The following GTSF1 variants were observed in gnomAD, a reference collection of about 807,000 sequenced individuals.
The protein encoded by GTSF1 is gametocyte-specific factor 1.
Under a neutral mutation model 28.9 loss-of-function variants are expected in GTSF1, and 11 were observed. The ratio of observed to expected loss-of-function variants is 0.38; its 90% CI spans 0.24 to 0.63. The LOEUF is 0.63. Ranked by LOEUF, GTSF1 falls within the 30% of genes least tolerant of loss-of-function variation. GTSF1 has a pLI of 0.56. For synonymous variants in GTSF1, 69 were observed against 65.6 expected, an observed-to-expected ratio of 1.05 and a Z score of -0.25; for missense variants, 146 against 201.0, an observed-to-expected ratio of 0.73 and a Z score of 1.66.
chr12:54,467,223 G>C (rs1342254415), intron 2 of GTSF1, among the ~76,000 whole-genome samples: 4 of 151,828 alleles, frequency 2.6e-5, no homozygotes, highest in Non-Finnish European at 4.4e-5. Context: ...ACAGTCTTTT[G>C]CTTTTTGTGA....
At chr12:54,462,250 A>T in intron 5 of GTSF1, 78 bp from the exon 6 acceptor site, 2 of 1,014,884 alleles carry the variant, frequency 2.0e-6, no homozygotes, top group South Asian at 2.6e-5. Flanking sequence ...AATTTATAAG[A>T]TGGGAAATAA....
intron 8 of GTSF1, 87 bp downstream of exon 8, chr12:54,459,002 G>T: frequency 1.1e-6 from 1 of 875,694 alleles, no homozygotes; most frequent in Non-Finnish European, 1.8e-6. Flanking sequence ...ACCATAATCT[G>T]AAAGAAAATT....
intron 8 of GTSF1, among the ~76,000 whole-genome samples, chr12:54,456,690 A>T (rs1370173317): frequency 1.3e-5 from 2 of 152,206 alleles, no homozygotes; most frequent in African/African-American, 4.8e-5. Context: ...ATTCAAAAAC[A>T]TTTCACTCAC....
At chr12:54,461,296 T>A (rs1475931725) in intron 6 of GTSF1, among the ~76,000 whole-genome samples, 2 of 151,914 alleles carry the variant, frequency 1.3e-5, no homozygotes, top group South Asian at 2.1e-4. Context: ...AGACAGGATC[T>A]TACTGTGTTA....
rs1036742731 is a variant in GTSF1, at chr12:54,462,114, G to A, written c.387C>T (p.Asn129=). 6.2e-7 allele frequency: 1 copy of A among 1,611,324 alleles called. No individual in the cohort carries two copies. The highest frequency in any genetic ancestry group is 8.5e-7 in the Non-Finnish European group (1 of 1,177,638). The change falls in exon 6 of 9, where the codon AAC becomes AAT. Residue 129 remains asparagine, a synonymous_variant. Transcript: ENST00000305879. ...GATAAGACTATTTCATTTACCTGTT[G>A]TTGTCAGAGTAGTGAGTTGTGCCCC... The part of the protein sequence containing the change: ...FVWGTTHYSD[N]NSPASNIVTE...
intron 3 of GTSF1, 178 bp downstream of exon 3, chr12:54,464,889 A>G (rs1188189241): frequency 2.4e-6 from 1 of 425,524 alleles, no homozygotes; most frequent in Non-Finnish European, 4.3e-6. Context: ...CAAAACAAGA[A>G]AAAATTTATC....
chr12:54,459,963 T>C (rs929822968), intron 7 of GTSF1, among the ~76,000 whole-genome samples: 3 of 122,188 alleles, frequency 2.5e-5, no homozygotes. Context: ...CCTGACCTCG[T>C]GATCCGCCCG....
At chr12:54,461,314 T>C (rs899464740) in intron 6 of GTSF1, among the ~76,000 whole-genome samples, 2 of 152,058 alleles carry the variant, frequency 1.3e-5, no homozygotes, top group Non-Finnish European at 2.9e-5. Context: ...TTACTCATGT[T>C]GATCTTGAAC....
chr12:54,459,396 T>C, intron 7 of GTSF1: 3 of 1,385,070 alleles, frequency 2.2e-6, no homozygotes, highest in Non-Finnish European at 2.8e-6. Context: ...GTGAATCCTC[T>C]AGCCACCTAA....
At chr12:54,457,895 A>G (rs965008105) in intron 8 of GTSF1, among the ~76,000 whole-genome samples, 3 of 152,216 alleles carry the variant, frequency 2.0e-5, no homozygotes, top group South Asian at 2.1e-4. Flanking sequence ...GAAGCAACTG[A>G]TAAGTATTAT....
chr12:54,462,804 G>T (rs992318190), intron 4 of GTSF1, 79 bp from the exon 5 acceptor site: 10 of 1,130,418 alleles, frequency 8.8e-6, no homozygotes, highest in East Asian at 4.8e-5. Flanking sequence ...AGCTTAAAAG[G>T]TTGCAAGGGT....
intron 1 of GTSF1, among the ~76,000 whole-genome samples, chr12:54,473,269 C>G: frequency 6.6e-6 from 1 of 151,924 alleles, no homozygotes; most frequent in Non-Finnish European, 1.5e-5. Flanking sequence ...CTTTAAACAA[C>G]AACAACAACA....
intron 1 of GTSF1, chr12:54,472,121 A>G (rs1026181179): frequency 4.0e-5 from 6 of 150,046 alleles, no homozygotes; most frequent in Admixed American, 2.0e-4. Context: ...CTGGGTTCTT[A>G]AAAATACAGA....
At position 54,462,824 on chromosome 12, in the gene GTSF1, G is replaced by A; in HGVS notation, c.245-99C>T. On this transcript the variant is annotated intron_variant, in intron 4 of 8. Transcript: ENST00000305879. ...AAAAGGTTGCAAGGGTAGCCTGTTG[G>A]GTCTTTATTTCTGAAAAATGGATAG... 3 of 880,366 alleles carry A rather than the reference G, an allele frequency of 3.4e-6. No individual in the cohort carries two copies. In the South Asian group the frequency reaches 4.9e-5, roughly 14 times the overall value. 54.5% of individuals were successfully genotyped at this position (880,366 alleles called of 1,614,324 possible).
rs774524016 is a variant in GTSF1 at position 54,462,136 on chromosome 12, C to T, written c.365G>A (p.Gly122Asp). ...GTTGTTGTCAGAGTAGTGAGTTGTG[C>T]CCCAGACAAATGGGGTGCTGGTCTG... is the stretch of plus-strand genomic sequence containing the variant. ...WEQTSTPFVW[G>D]TTHYSDNNSP... The change falls in exon 6 of 9, where the codon GGC (glycine) becomes GAC (aspartate). Residue 122 changes from glycine to aspartate, a missense_variant. Gly to Asp is a moderately conservative substitution (Grantham distance 94, BLOSUM62 -1). Transcript: ENST00000305879. The T allele has an allele frequency of 6.2e-7, 1 of 1,613,550 alleles. No individual in the cohort carries two copies.
chr12:54,462,010 C>A, intron 6 of GTSF1, 99 bp downstream of exon 6: 1 of 798,408 alleles, frequency 1.3e-6, no homozygotes, highest in Non-Finnish European at 2.1e-6. Flanking sequence ...CAAGGAACAT[C>A]GTTAAAGAAA....
intron 7 of GTSF1, chr12:54,459,378 G>A (rs934828783): frequency 1.0e-5 from 14 of 1,404,276 alleles, no homozygotes; most frequent in Non-Finnish European, 1.3e-5. Context: ...AGGGAGAAAC[G>A]TTTTAAAGTG....
At chr12:54,459,280 G>C in intron 7 of GTSF1, 155 bp from the exon 8 acceptor site, 1 of 1,437,060 alleles carries the variant, frequency 7.0e-7, no homozygotes, top group Non-Finnish European at 9.1e-7. Context: ...TTTCATTCAA[G>C]AGCATGGGAA....
chr12:54,462,505 G>C (rs529475283), intron 5 of GTSF1, 137 bp downstream of exon 5: 1 of 724,812 alleles, frequency 1.4e-6, no homozygotes, highest in East Asian at 2.5e-5. Context: ...AAATGTGCTC[G>C]TTTTGGGGCC....
Sources: gnomAD v4.1 joint callset for allele counts (sites outside exome capture counted in the v4.1 genomes callset) on GRCh38, gnomAD v4.1.1 for gene constraint, MANE v1.5 for transcripts, NCBI Gene and HGNC (gene_info 2026-07-23, HGNC 2026-07-21) for gene names.